The following RARB variants were observed in gnomAD, a reference collection of about 807,000 sequenced individuals.
The protein encoded by RARB is retinoic acid receptor beta.
RARB carries 17 observed loss-of-function variants against 51.9 expected under a neutral mutation model. The ratio of observed to expected loss-of-function variants is 0.33; its 90% CI spans 0.22 to 0.49. RARB has a LOEUF of 0.49. Ranked by LOEUF, RARB falls within the 20% of genes least tolerant of loss-of-function variation. The pLI is 0.99. For missense variants in RARB, 369 were observed against 550.8 expected, an observed-to-expected ratio of 0.67 and a Z score of 3.30; for synonymous variants, 215 against 195.4, an observed-to-expected ratio of 1.10 and a Z score of -0.84.
At chr3:24,860,539 T>C (rs1349229373) in intron 2 of RARB, among the ~76,000 whole-genome samples, 3 of 152,134 alleles carry the variant, frequency 2.0e-5, no homozygotes, top group African/African-American at 7.2e-5. Flanking sequence ...CAAACTCAAG[T>C]ATAGAAAACA....
At position 25,017,189 on chromosome 3, in the gene RARB, G is replaced by A. The variant is rs541476990; in HGVS notation, c.-379-42936G>A. Among the ~76,000 whole-genome samples the A allele has an allele frequency of 5.3e-5, 8 of 151,708 alleles. No individual in the cohort carries two copies. The East Asian group carries it at 1.6e-3, about 29-fold the overall frequency. ...TTATCAATGTTTGGATCCTGGCCTC[G>A]TTGTTTACAAATTAACTAGCTTTCC... On this transcript the variant is annotated intron_variant, in intron 2 of 11. Transcript: ENST00000383772.
At chr3:24,839,792 G>A (rs188154614) in intron 1 of RARB, among the ~76,000 whole-genome samples, 1 of 151,454 alleles carries the variant, frequency 6.6e-6, no homozygotes, top group Non-Finnish European at 1.5e-5. Context: ...AATTATACTC[G>A]TGTTTAGAAC....
At chr3:25,512,135 G>T (rs879158329) in intron 3 of RARB, among the ~76,000 whole-genome samples, 1 of 152,096 alleles carries the variant, frequency 6.6e-6, no homozygotes, top group South Asian at 2.1e-4. Context: ...ACATGGCAGG[G>T]GCTAAAAACA....
intron 2 of RARB, among the ~76,000 whole-genome samples, chr3:25,466,194 T>G (rs995576011): frequency 6.6e-6 from 1 of 152,242 alleles, no homozygotes; most frequent in Non-Finnish European, 1.5e-5. Context: ...TTGTTTTGTT[T>G]TGTTTTTGTT....
rs373969785 is a variant in RARB, at chr3:25,009,286, A to T, written c.-379-50839A>T. ...AGAAGATACATAGGTACTTCGTTCT[A>T]TAATTTTGTGACTTAGTTAATGAAG... is the stretch of plus-strand genomic sequence containing the variant. On this transcript the variant is annotated intron_variant, in intron 2 of 11. Coordinates refer to the RARB transcript ENST00000383772. Among the ~76,000 whole-genome samples the T allele has an allele frequency of 3.3e-5, 5 of 152,274 alleles. No homozygotes were observed. In the South Asian group the frequency reaches 6.2e-4, roughly 19 times the overall value.
chr3:25,069,643 A>G (rs1288694044), intron 3 of RARB, among the ~76,000 whole-genome samples: 1 of 152,194 alleles, frequency 6.6e-6, no homozygotes, highest in Non-Finnish European at 1.5e-5. Flanking sequence ...ACTGCACCGT[A>G]GCTCCTTGTG....
intron 1 of RARB, among the ~76,000 whole-genome samples, chr3:24,851,518 C>T (rs1227175395): frequency 1.3e-5 from 2 of 152,078 alleles, no homozygotes; most frequent in Non-Finnish European, 2.9e-5. Context: ...CTTTGGCTGC[C>T]ATTCTGCCAA....
intron 5 of RARB, among the ~76,000 whole-genome samples, chr3:25,294,027 C>T (rs527454772): frequency 1.3e-5 from 2 of 152,184 alleles, no homozygotes; most frequent in East Asian, 1.9e-4. Context: ...ACAATAACTT[C>T]GGAGGAGGTA....
chr3:25,541,407 T>A (rs1699375527), intron 3 of RARB, among the ~76,000 whole-genome samples: 1 of 152,226 alleles, frequency 6.6e-6, no homozygotes, highest in Non-Finnish European at 1.5e-5. Context: ...TAATCATGCA[T>A]GAGGACACAG....
chr3:25,065,936 T>G (rs1467845424), intron 3 of RARB, among the ~76,000 whole-genome samples: 3 of 152,202 alleles, frequency 2.0e-5, no homozygotes, highest in Non-Finnish European at 4.4e-5. Flanking sequence ...ATGAAGATTT[T>G]TTTTTTAAAG....
chr3:25,421,932 T>A (rs1225831006), intron 5 of RARB, among the ~76,000 whole-genome samples: 1 of 152,194 alleles, frequency 6.6e-6, no homozygotes, highest in Admixed American at 6.5e-5. Context: ...ATCATTAAGC[T>A]GACCTTTGAG....
chr3:24,940,687 C>T (rs558152238), intron 2 of RARB, among the ~76,000 whole-genome samples: 15 of 152,138 alleles, frequency 9.9e-5, no homozygotes, highest in South Asian at 4.2e-4. Flanking sequence ...TTAGCACATG[C>T]GGAGGGAAAG....
chr3:25,483,527 CT>C (rs199602182), intron 2 of RARB, among the ~76,000 whole-genome samples: 20,701 of 113,506 alleles, frequency 0.18, 2,439 homozygotes, highest in African/African-American at 0.39. Context: ...CATATTTCTT[CT>C]TTTTTTTTTT....
chr3:24,951,348 C>T (rs553345268), intron 2 of RARB, among the ~76,000 whole-genome samples: 1 of 152,178 alleles, frequency 6.6e-6, no homozygotes, highest in African/African-American at 2.4e-5. Flanking sequence ...CCAGAGCATG[C>T]AGAGAGGAGG....
chr3:25,073,161 A>G (rs1033778687), intron 3 of RARB, among the ~76,000 whole-genome samples: 1 of 152,208 alleles, frequency 6.6e-6, no homozygotes, highest in African/African-American at 2.4e-5. Context: ...GTGCGTCTAC[A>G]ATAATTTGGG....
chr3:25,288,150 A>T (rs1362702031), intron 5 of RARB, among the ~76,000 whole-genome samples: 1 of 152,208 alleles, frequency 6.6e-6, no homozygotes, highest in Admixed American at 6.5e-5. Context: ...AATACTATAA[A>T]GAAGCTACAG....
chr3:25,129,352 G>A (rs1699909749), intron 3 of RARB, among the ~76,000 whole-genome samples: 1 of 151,964 alleles, frequency 6.6e-6, no homozygotes, highest in Admixed American at 6.6e-5. Flanking sequence ...ATTACAGTAT[G>A]TCTTTTTTGT....
intron 2 of RARB, among the ~76,000 whole-genome samples, chr3:25,040,150 G>A (rs369905368): frequency 3.3e-5 from 5 of 152,146 alleles, no homozygotes. Flanking sequence ...AAAAAATTCC[G>A]TCAACAGAGA....
At position 25,204,998 on chromosome 3, in the gene RARB, G is replaced by C. The variant is rs1386405838; in HGVS notation, c.178+30423G>C. On this transcript the variant is annotated intron_variant, in intron 5 of 11. Transcript: ENST00000383772. ...TCTGCAGAGGTTTCTGCTGCCTTTTGTTTGGGTATGCCTTGCCCCCAGAGG... is the reference window on the plus strand; with the variant it reads ...TCTGCAGAGGTTTCTGCTGCCTTTTCTTTGGGTATGCCTTGCCCCCAGAGG... Among the ~76,000 whole-genome samples, 4 of 152,164 alleles carry C rather than the reference G, an allele frequency of 2.6e-5. 1 individual carries two copies. The East Asian group carries it at 7.7e-4, about 29-fold the overall frequency.
Sources: allele counts gnomAD v4.1 joint callset (sites outside exome capture counted in the v4.1 genomes callset), GRCh38; gene constraint gnomAD v4.1.1; transcripts MANE v1.5; gene names NCBI Gene and HGNC (gene_info 2026-07-23, HGNC 2026-07-21).